ENO4: variants seen among roughly 807,000 people sequenced by gnomAD.
ENO4 encodes the protein 2-phospho-D-glycerate hydro-lyase.
ENO4 carries 53 observed loss-of-function variants against 63.2 expected under a neutral mutation model. That is an observed-to-expected ratio of 0.84 (90% CI 0.67 to 1.05). The LOEUF (loss-of-function observed/expected upper bound fraction) is 1.05. Ranked by LOEUF, ENO4 falls within the 50% of genes least tolerant of loss-of-function variation. ENO4 has a pLI of 0.00. For missense variants in ENO4, 719 were observed against 772.0 expected, an observed-to-expected ratio of 0.93 and a Z score of 0.81; for synonymous variants, 266 against 283.8, an observed-to-expected ratio of 0.94 and a Z score of 0.63.
chr10:116,868,945 G>A lies in ENO4; in HGVS notation c.1047+239G>A, dbSNP rs190354965. On this transcript the variant is annotated intron_variant, in intron 8 of 13. Transcript: ENST00000341276. ...GTCTGACCATCTGGAATCTCACAGG[G>A]CTAGGAAGCATTTATGAGACGTAGG... 3.8e-4 allele frequency among the ~76,000 whole-genome samples: 58 copies of A among 152,306 alleles called. 1 individual carries two copies. Among genetic ancestry groups the A allele is most frequent in the Non-Finnish European group, 7.2e-4 (49 of 68,026 alleles).
chr10:116,899,826 T>TA (rs1340462105), intron 10 of ENO4, among the ~76,000 whole-genome samples: 1 of 152,206 alleles, frequency 6.6e-6, no homozygotes, highest in African/African-American at 2.4e-5. Flanking sequence ...GTGGTTAGTG[T>TA]AACAGAGTAC....
At chr10:116,857,994 A>G (rs1846313871) in intron 3 of ENO4, among the ~76,000 whole-genome samples, 1 of 151,692 alleles carries the variant, frequency 6.6e-6, no homozygotes, top group African/African-American at 2.4e-5. Context: ...CTATTCCTCT[A>G]TTCCTTTTTT....
intron 10 of ENO4, among the ~76,000 whole-genome samples, chr10:116,891,634 C>T (rs1271982334): frequency 1.3e-5 from 2 of 152,074 alleles, no homozygotes; most frequent in Non-Finnish European, 2.9e-5. Flanking sequence ...GCCCTTTATA[C>T]AGTTACTGCA....
rs1157891616 is a variant in ENO4, at chr10:116,856,631, A to C, written c.434A>C (p.Glu145Ala). 6.5e-7 allele frequency: 1 copy of C among 1,535,936 alleles called. No homozygotes were observed. Among genetic ancestry groups the C allele is most frequent in the Non-Finnish European group, 8.7e-7 (1 of 1,146,872 alleles). ...TGGGTCAACAGCACCATCACGCACG[A>C]GCTCCAGGGGATGGCACCCTCTGAC... is the stretch of plus-strand genomic sequence containing the variant. ...VQWVNSTITHELQGMAPSDQA... is the reference protein window; with the variant it reads ...VQWVNSTITHALQGMAPSDQA... The change falls in exon 3 of 14, where the codon GAG becomes GCG. Residue 145 changes from glutamate (E) to alanine (A), a missense_variant. By Grantham distance (107) the Glu-to-Ala change is moderately radical. This residue lies in a region of ENO4 where 544 missense variants were observed against 583.6 expected (regional missense o/e 0.93). Transcript: ENST00000341276.
intron 13 of ENO4, 58 bp from the exon 14 acceptor site, chr10:116,881,457 G>C (rs1404787137): frequency 7.5e-7 from 1 of 1,328,420 alleles, no homozygotes; most frequent in East Asian, 2.5e-5. Flanking sequence ...AACTTATGTA[G>C]TATATAAAAA....
At chr10:116,875,525 T>C (rs1052652147) in intron 10 of ENO4, among the ~76,000 whole-genome samples, 48 of 150,284 alleles carry the variant, frequency 3.2e-4, no homozygotes, top group Non-Finnish European at 5.0e-4. Flanking sequence ...TTGTATTTTT[T>C]GTAGAGATGG....
intron 10 of ENO4, among the ~76,000 whole-genome samples, chr10:116,910,064 C>T (rs1848129327): frequency 6.6e-6 from 1 of 152,114 alleles, no homozygotes; most frequent in South Asian, 2.1e-4. Flanking sequence ...ACTAAAGACC[C>T]AAATGTCTGG....
At chr10:116,873,723 C>T (rs536426720) in intron 9 of ENO4, 1 of 214,646 alleles carries the variant, frequency 4.7e-6, no homozygotes, top group Admixed American at 6.5e-5. Flanking sequence ...GTTAGCATTG[C>T]TATTCTGCTT....
At chr10:116,893,575 T>TGC (rs1170951721) in intron 10 of ENO4, among the ~76,000 whole-genome samples, 1 of 736 alleles carries the variant, frequency 1.4e-3, no homozygotes, top group South Asian at 0.023. Context: ...GGCACTCATG[T>TGC]GCACACACAC....
rs553979125 is a variant in ENO4, at chr10:116,869,225, A to G, written c.1047+519A>G. Among the ~76,000 whole-genome samples, 5 of 152,338 alleles carry G rather than the reference A, an allele frequency of 3.3e-5. 2 individuals carry two copies. The highest frequency in any genetic ancestry group is 1.2e-4 in the African/African-American group (5 of 41,588). On this transcript the variant is annotated intron_variant, in intron 8 of 13. Coordinates refer to ENST00000341276, the MANE Select transcript of ENO4 (RefSeq NM_001242699.2). ...TTGTCAAAACCCGTTCGCTGGCTTCAGGAGCCTTGGGAGACCAGCTGAACT... is the reference window on the plus strand; with the variant it reads ...TTGTCAAAACCCGTTCGCTGGCTTCGGGAGCCTTGGGAGACCAGCTGAACT...
At chr10:116,894,730 C>A (rs1233553842) in intron 10 of ENO4, among the ~76,000 whole-genome samples, 1 of 152,076 alleles carries the variant, frequency 6.6e-6, no homozygotes, top group Non-Finnish European at 1.5e-5. Context: ...TGTCTAATTG[C>A]AACTGTTAGG....
chr10:116,909,768 G>T (rs1452525633), intron 10 of ENO4, among the ~76,000 whole-genome samples: 1 of 152,102 alleles, frequency 6.6e-6, no homozygotes, highest in Non-Finnish European at 1.5e-5. Flanking sequence ...TTAGCAGAAG[G>T]CCAAATCACT....
chr10:116,851,170 G>A (rs1443036194), intron 1 of ENO4, among the ~76,000 whole-genome samples: 6 of 152,226 alleles, frequency 3.9e-5, no homozygotes, highest in East Asian at 1.9e-4. Context: ...CAGGATATTC[G>A]TTTGTACAGC....
chr10:116,877,972 T>C (rs1846884635), intron 11 of ENO4, among the ~76,000 whole-genome samples: 1 of 152,230 alleles, frequency 6.6e-6, no homozygotes. Flanking sequence ...TGCTTTGCTC[T>C]GACATACTTG....
chr10:116,901,771 G>A lies in ENO4; in HGVS notation c.1195-9728G>A, dbSNP rs957321262. 9.4e-6 allele frequency: 15 copies of A among 1,593,536 alleles called. No homozygotes were observed. Among genetic ancestry groups the A allele is most frequent in the East Asian group, 2.3e-5 (1 of 43,808 alleles). On this transcript the variant is annotated intron_variant, in intron 10 of 10. Coordinates refer to the ENO4 transcript ENST00000369207. ...AAAGAGCATCGTTACTTACTGAAAC[G>A]TAACCTTGGAACTTGTGCATCCTTC...
At chr10:116,898,145 T>C (rs894069588) in intron 10 of ENO4, among the ~76,000 whole-genome samples, 5 of 151,994 alleles carry the variant, frequency 3.3e-5, no homozygotes, top group Non-Finnish European at 5.9e-5. Context: ...CTGACCAACA[T>C]AGTGAAACCG....
chr10:116,887,117 G>T (rs576472166), downstream of ENO4, among the ~76,000 whole-genome samples: 6 of 152,202 alleles, frequency 3.9e-5, no homozygotes, highest in Non-Finnish European at 8.8e-5. Context: ...TCAGGAGGGG[G>T]TGGTGGTAGG....
At position 116,896,430 on chromosome 10, in the gene ENO4, G is replaced by A. The variant is rs551487256; in HGVS notation, c.1195-15069G>A. ...AACCTAGCTGGGGTGAAAGAAGGAA[G>A]GCTAGGCCCCAACCAGCTTCGGCTT... On this transcript the variant is annotated intron_variant, in intron 10 of 10. Transcript: ENST00000369207. 7.2e-5 allele frequency among the ~76,000 whole-genome samples: 11 copies of A among 152,220 alleles called. No individual in the cohort carries two copies. In the South Asian group the frequency reaches 2.3e-3, roughly 32 times the overall value.
intron 7 of ENO4, among the ~76,000 whole-genome samples, chr10:116,863,599 G>C (rs1846475387): frequency 6.6e-6 from 1 of 152,144 alleles, no homozygotes; most frequent in Non-Finnish European, 1.5e-5. Context: ...TTAGCCTGAG[G>C]CTTTTAAGCT....
Sources: gnomAD v4.1 joint callset for allele counts (sites outside exome capture counted in the v4.1 genomes callset) on GRCh38, gnomAD v4.1.1 for gene constraint, gnomAD v4.1.1 regional missense constraint, MANE v1.5 for transcripts, NCBI Gene and HGNC (gene_info 2026-07-23, HGNC 2026-07-21) for gene names.